NHS: variants seen among roughly 807,000 people sequenced by gnomAD.
NHS encodes the protein NHS actin remodeling regulator.
Under a neutral mutation model 72.5 loss-of-function variants are expected in NHS, and 5 were observed. That is an observed-to-expected ratio of 0.07 (90% CI 0.04 to 0.14). The LOEUF (loss-of-function observed/expected upper bound fraction) is 0.14. NHS is among the 10% of genes least tolerant of loss of function. NHS has a pLI of 1.00. For synonymous variants in NHS, 464 were observed against 547.7 expected, an observed-to-expected ratio of 0.85 and a Z score of 2.13; for missense variants, 1,072 against 1,355.7, an observed-to-expected ratio of 0.79 and a Z score of 3.29.
chrX:17,598,857 A>T (rs1414441577), intron 1 of NHS, among the ~76,000 whole-genome samples: 1 of 110,686 alleles, frequency 9.0e-6, no homozygotes, highest in Non-Finnish European at 1.9e-5. Context: ...CTAAGTACCT[A>T]CTCTCCTCAC....
At chrX:17,582,013 T>A (rs1411855608) in intron 1 of NHS, among the ~76,000 whole-genome samples, 1 of 111,681 alleles carries the variant, frequency 9.0e-6, no homozygotes, top group African/African-American at 3.3e-5. Flanking sequence ...GCCTCCACAC[T>A]CCCTTTCTTG....
chrX:17,645,924 TTATGTATATATG>T (rs1243110166), intron 1 of NHS, among the ~76,000 whole-genome samples: 7 of 111,898 alleles, frequency 6.3e-5, no homozygotes, highest in South Asian at 3.7e-4. Flanking sequence ...CTTTCTCCTT[TTATGTATATATG>T]TATGTATATA....
intron 1 of NHS, among the ~76,000 whole-genome samples, chrX:17,599,712 G>A (rs763307393): frequency 3.6e-5 from 4 of 111,165 alleles, no homozygotes; most frequent in East Asian, 2.8e-4. Context: ...TATAAAATGA[G>A]GACCATTAGA....
chrX:17,392,745 A>G (rs1201397103), intron 1 of NHS, among the ~76,000 whole-genome samples: 2 of 112,159 alleles, frequency 1.8e-5, no homozygotes, highest in Non-Finnish European at 3.8e-5. Context: ...ACGAATGTGC[A>G]CAAATCATGT....
Position 17,726,200 on chromosome X carries a change from G to A in NHS, c.2094G>A (p.Arg698=), listed in dbSNP as rs1172419018. 1 of 1,211,871 alleles carries A rather than the reference G, an allele frequency of 8.3e-7. No homozygotes were observed. The highest frequency in any genetic ancestry group is 2.2e-5 in the Admixed American group (1 of 46,059). ...NDHLDKVRGH[R]ANSFTSTVAD... The stretch of plus-strand genomic sequence containing the variant: ...ACTTGGATAAAGTGAGAGGCCATCG[G>A]GCAAACTCCTTTACCTCCACTGTTG... Residue 698 remains arginine, a synonymous_variant, in exon 7 of 9, where the codon CGG becomes CGA. Transcript: ENST00000676302.
chrX:17,445,904 C>T (rs990116639), intron 1 of NHS, among the ~76,000 whole-genome samples: 35 of 109,207 alleles, frequency 3.2e-4, no homozygotes, highest in South Asian at 4.1e-4. Context: ...CAAGTAATTA[C>T]GCTGAACCCC....
intron 1 of NHS, among the ~76,000 whole-genome samples, chrX:17,579,102 C>CT (rs2065528600): frequency 8.9e-6 from 1 of 112,398 alleles, no homozygotes; most frequent in Non-Finnish European, 1.9e-5. Context: ...ATTCAAATTC[C>CT]TTTTAAACAT....
chrX:17,443,911 T>C (rs967390185), intron 1 of NHS, among the ~76,000 whole-genome samples: 23 of 112,217 alleles, frequency 2.0e-4, no homozygotes, highest in African/African-American at 7.4e-4. Context: ...GTGGGCTTCA[T>C]TAATACACAC....
chrX:17,530,696 A>G (rs1001113260), intron 1 of NHS, among the ~76,000 whole-genome samples: 1 of 112,428 alleles, frequency 8.9e-6, no homozygotes, highest in East Asian at 2.8e-4. Context: ...CAACAATCCT[A>G]TTAAAACACA....
rs145792905 is a variant in NHS, at chrX:17,571,875, T to A, written c.566-115867T>A. Among the ~76,000 whole-genome samples the A allele has an allele frequency of 5.8e-3, 650 of 112,418 alleles. 13 individuals are homozygous for A. Among genetic ancestry groups the A allele is most frequent in the Non-Finnish European group, 6.4e-3 (340 of 53,321 alleles). On this transcript the variant is annotated intron_variant, in intron 1 of 8. Transcript: ENST00000676302. ...GTTCTGGTACATTGTGTCTTTGTTCTTATTGGTTTCAAAGAACATCTTTAT... is the reference window on the plus strand; with the variant it reads ...GTTCTGGTACATTGTGTCTTTGTTCATATTGGTTTCAAAGAACATCTTTAT...
chrX:17,520,089 C>G (rs918029250), intron 1 of NHS, among the ~76,000 whole-genome samples: 2 of 110,478 alleles, frequency 1.8e-5, no homozygotes, highest in African/African-American at 6.6e-5. Flanking sequence ...AGAGTTAGTT[C>G]CATTTGACAT....
chrX:17,407,113 G>A (rs2064532880), intron 1 of NHS, among the ~76,000 whole-genome samples: 1 of 111,647 alleles, frequency 9.0e-6, no homozygotes, highest in African/African-American at 3.3e-5. Flanking sequence ...CATTGTTTTT[G>A]CAGAAGCAGA....
At chrX:17,470,829 A>G (rs758243863) in intron 1 of NHS, among the ~76,000 whole-genome samples, 1 of 111,270 alleles carries the variant, frequency 9.0e-6, no homozygotes, top group East Asian at 2.8e-4. Context: ...CCACTGCCTG[A>G]TCTACTTTAC....
At chrX:17,615,216 G>GTATATATATACA in intron 1 of NHS, among the ~76,000 whole-genome samples, 1 of 86,354 alleles carries the variant, frequency 1.2e-5, no homozygotes, top group African/African-American at 4.8e-5. Flanking sequence ...ATATATATAC[G>GTATATATATACA]TATATATACA....
At chrX:17,614,064 A>T (rs962052903) in intron 1 of NHS, among the ~76,000 whole-genome samples, 1 of 112,211 alleles carries the variant, frequency 8.9e-6, no homozygotes, top group African/African-American at 3.2e-5. Flanking sequence ...ACCTGGTATC[A>T]CTTAGTATCA....
intron 1 of NHS, among the ~76,000 whole-genome samples, chrX:17,570,039 G>C (rs2065467083): frequency 9.0e-6 from 1 of 111,516 alleles, no homozygotes; most frequent in South Asian, 3.7e-4. Flanking sequence ...TATCTGTTTT[G>C]GTACCAGTAG....
intron 2 of NHS, 135 bp from the exon 3 acceptor site, chrX:17,692,200 G>A (rs1601838670): frequency 1.3e-6 from 1 of 746,766 alleles, no homozygotes; most frequent in South Asian, 2.4e-5. Context: ...AATCTTATTT[G>A]GTATTCAAAT....
At chrX:17,399,215 C>T (rs1212741896) in intron 1 of NHS, among the ~76,000 whole-genome samples, 1 of 110,765 alleles carries the variant, frequency 9.0e-6, no homozygotes, top group Admixed American at 9.6e-5. Context: ...GATTCTCCTG[C>T]CTCAGCCTCC....
At chrX:17,573,290 T>C (rs1032165067) in intron 1 of NHS, among the ~76,000 whole-genome samples, 8 of 111,729 alleles carry the variant, frequency 7.2e-5, no homozygotes, top group African/African-American at 2.6e-4. Flanking sequence ...CTTGGTTCCA[T>C]TCTCCCCATC....
Sources: allele counts gnomAD v4.1 joint callset (sites outside exome capture counted in the v4.1 genomes callset), GRCh38; gene constraint gnomAD v4.1.1; transcripts MANE v1.5; gene names NCBI Gene and HGNC (gene_info 2026-07-23, HGNC 2026-07-21).